NRXN1: variants seen among roughly 807,000 people sequenced by gnomAD.
The protein encoded by NRXN1 is neurexin 1, also known as neurexin-1.
In NRXN1, 39 loss-of-function variants were observed where a neutral mutation model predicts 150.9. The observed-to-expected ratio is 0.26, with a 90% confidence interval of 0.20 to 0.34. The LOEUF is 0.34. Ranked by LOEUF, NRXN1 falls within the 10% of genes least tolerant of loss-of-function variation. The pLI is 1.00. For missense variants in NRXN1, 1,815 were observed against 1,949.9 expected, an observed-to-expected ratio of 0.93 and a Z score of 1.30; for synonymous variants, 924 against 757.0, an observed-to-expected ratio of 1.22 and a Z score of -3.62.
intron 18 of NRXN1, among the ~76,000 whole-genome samples, chr2:50,147,957 G>C (rs993778181): frequency 2.0e-5 from 3 of 151,606 alleles, no homozygotes; most frequent in African/African-American, 7.3e-5. Flanking sequence ...AATAGGTCCT[G>C]GGTTGAGTGG....
rs922824373 is a variant in NRXN1 at position 50,375,163 on chromosome 2, T to A, written c.3364+90279A>T. Among the ~76,000 whole-genome samples the A allele has an allele frequency of 4.6e-5, 7 of 152,204 alleles. No individual in the cohort carries two copies. The South Asian group carries it at 6.2e-4, about 14-fold the overall frequency. On this transcript the variant is annotated intron_variant, in intron 17 of 22. Coordinates refer to ENST00000401669, the MANE Select transcript of NRXN1 (RefSeq NM_001330078.2). ...CATTCTAAACATCTTTTAATATACC[T>A]TAGTTTAACATTGCTTTTAAGAGGA...
Position 50,655,529 on chromosome 2 carries a change from C to T in NRXN1, c.833-31914G>A, listed in dbSNP as rs565238207. Among the ~76,000 whole-genome samples the T allele has an allele frequency of 1.4e-4, 22 of 152,028 alleles. No homozygotes were observed. The South Asian group carries it at 2.5e-3, about 17-fold the overall frequency. On this transcript the variant is annotated intron_variant, in intron 5 of 22. Coordinates refer to ENST00000401669, the MANE Select transcript of NRXN1 (RefSeq NM_001330078.2). Reference sequence around the variant, plus strand: ...ATGTAAAATGATTCACAAAGTGAACCGAAAGTTTTTGTTAATTGTTAAAAA... The same window carrying T: ...ATGTAAAATGATTCACAAAGTGAACTGAAAGTTTTTGTTAATTGTTAAAAA...
intron 5 of NRXN1, among the ~76,000 whole-genome samples, chr2:50,729,725 G>C (rs1275421194): frequency 6.6e-6 from 1 of 152,250 alleles, no homozygotes; most frequent in South Asian, 2.1e-4. Flanking sequence ...GGGTAGAGTT[G>C]CTATCTGACA....
intron 5 of NRXN1, among the ~76,000 whole-genome samples, chr2:50,784,216 A>G (rs1704764047): frequency 2.6e-5 from 4 of 152,164 alleles, no homozygotes; most frequent in Admixed American, 2.0e-4. Context: ...TATAAAATAT[A>G]TCATAAATGA....
At chr2:49,959,869 A>G (rs754309654) in intron 21 of NRXN1, among the ~76,000 whole-genome samples, 1 of 152,230 alleles carries the variant, frequency 6.6e-6, no homozygotes, top group Non-Finnish European at 1.5e-5. Flanking sequence ...GTATCCTAAC[A>G]TTCACAAGAG....
rs150517090 is a variant in NRXN1, at chr2:50,879,498, A to G, written c.832+42371T>C. Among the ~76,000 whole-genome samples, 6 of 152,090 alleles carry G rather than the reference A, an allele frequency of 3.9e-5. No individual in the cohort carries two copies. The East Asian group carries it at 1.2e-3, about 30-fold the overall frequency. ...TAAATGTTTTAATTTTTCTTCCATC[A>G]TGCTTTAAATGTATGTGTTAAAAAG... is the stretch of plus-strand genomic sequence containing the variant. On this transcript the variant is annotated intron_variant, in intron 5 of 22. Coordinates refer to ENST00000401669, the MANE Select transcript of NRXN1 (RefSeq NM_001330078.2).
intron 5 of NRXN1, among the ~76,000 whole-genome samples, chr2:50,725,544 C>T (rs909849991): frequency 1.3e-5 from 2 of 152,096 alleles, no homozygotes; most frequent in African/African-American, 4.8e-5. Context: ...TCCTTAAAAT[C>T]ACTACTATTA....
intron 5 of NRXN1, among the ~76,000 whole-genome samples, chr2:50,676,281 C>T (rs1271793135): frequency 6.6e-6 from 1 of 152,098 alleles, no homozygotes; most frequent in African/African-American, 2.4e-5. Context: ...GCTTGTATAA[C>T]CTATAGAACC....
intron 21 of NRXN1, among the ~76,000 whole-genome samples, chr2:50,042,346 T>C (rs1691116586): frequency 6.6e-6 from 1 of 152,128 alleles, no homozygotes; most frequent in African/African-American, 2.4e-5. Flanking sequence ...ATTCTCATGA[T>C]GGTAAGTTCT....
intron 12 of NRXN1, among the ~76,000 whole-genome samples, chr2:50,508,807 C>T (rs1457598526): frequency 6.6e-6 from 1 of 152,064 alleles, no homozygotes; most frequent in Admixed American, 6.6e-5. Flanking sequence ...TCTCTGTGCG[C>T]CAACTTCTAG....
chr2:50,947,997 A>G (rs1029640626), intron 2 of NRXN1, among the ~76,000 whole-genome samples: 3 of 152,106 alleles, frequency 2.0e-5, no homozygotes, highest in South Asian at 2.1e-4. Flanking sequence ...TTATCTCAAA[A>G]TACATTAAAA....
Position 51,028,359 on chromosome 2 carries a change from C to G in NRXN1, c.-86G>C. 1.1e-6 allele frequency: 1 copy of G among 892,316 alleles called. No homozygotes were observed. Among genetic ancestry groups the G allele is most frequent in the Non-Finnish European group, 1.6e-6 (1 of 632,220 alleles). 55.3% of individuals were successfully genotyped at this position (892,316 alleles called of 1,614,324 possible). A position where few individuals can be genotyped will look rare whatever the true frequency, so the allele number is the denominator to read the frequency against. ...CACCGTGACGAAGAAATAAGGGTCC[C>G]GAGAGACAGAAAGGTAAGGGGAAAG... On this transcript the variant is annotated 5_prime_UTR_variant, in exon 2 of 23. Coordinates refer to ENST00000401669, the MANE Select transcript of NRXN1 (RefSeq NM_001330078.2).
At chr2:51,016,109 A>G (rs1212921032) in intron 2 of NRXN1, among the ~76,000 whole-genome samples, 1 of 152,162 alleles carries the variant, frequency 6.6e-6, no homozygotes, top group African/African-American at 2.4e-5. Flanking sequence ...CCTGACAAAA[A>G]CAAGCAATGG....
At chr2:50,515,517 C>T (rs1310688354) in intron 12 of NRXN1, among the ~76,000 whole-genome samples, 2 of 151,692 alleles carry the variant, frequency 1.3e-5, no homozygotes, top group African/African-American at 4.9e-5. Flanking sequence ...ATTGCAAAGT[C>T]CTTCTACTTA....
intron 5 of NRXN1, among the ~76,000 whole-genome samples, chr2:50,664,806 T>C (rs78469867): frequency 0.015 from 2,288 of 150,970 alleles, 32 homozygotes; most frequent in Non-Finnish European, 0.025. Context: ...ACTATGAAGC[T>C]GTAGGATATA....
intron 21 of NRXN1, among the ~76,000 whole-genome samples, chr2:49,982,512 ACTT>A (rs1464059100): frequency 6.6e-6 from 1 of 151,958 alleles, no homozygotes; most frequent in East Asian, 1.9e-4. Context: ...CCTTGACAAA[ACTT>A]CATGATTTTT....
At chr2:50,120,946 G>A (rs1041318390) in intron 18 of NRXN1, among the ~76,000 whole-genome samples, 3 of 152,282 alleles carry the variant, frequency 2.0e-5, no homozygotes, top group Non-Finnish European at 2.9e-5. Flanking sequence ...CTTAGAGTGC[G>A]ATACTAACAG....
intron 18 of NRXN1, among the ~76,000 whole-genome samples, chr2:50,155,190 A>G (rs559842348): frequency 1.3e-5 from 2 of 151,786 alleles, no homozygotes; most frequent in South Asian, 4.1e-4. Flanking sequence ...AGACACTAAA[A>G]TACTATCCAG....
chr2:50,190,613 CTT>C (rs11427672), intron 18 of NRXN1, among the ~76,000 whole-genome samples: 14 of 132,472 alleles, frequency 1.1e-4, no homozygotes, highest in Non-Finnish European at 6.3e-5. Context: ...CTTTTTTTTT[CTT>C]TTTTTTTTTT....
Sources: gnomAD v4.1 joint callset for allele counts (sites outside exome capture counted in the v4.1 genomes callset) on GRCh38, gnomAD v4.1.1 for gene constraint, MANE v1.5 for transcripts, NCBI Gene and HGNC (gene_info 2026-07-23, HGNC 2026-07-21) for gene names.